PGBD5: variants seen among roughly 807,000 people sequenced by gnomAD.
PGBD5 encodes the protein piggyBac transposable element derived 5.
In PGBD5, 14 loss-of-function variants were observed where a neutral mutation model predicts 47.9. That is an observed-to-expected ratio of 0.29 (90% CI 0.19 to 0.46). The LOEUF (loss-of-function observed/expected upper bound fraction) is 0.46. Ranked by LOEUF, PGBD5 falls within the 20% of genes least tolerant of loss-of-function variation. The pLI, the probability that PGBD5 is intolerant of heterozygous loss-of-function variation, is 1.00. For synonymous variants in PGBD5, 316 were observed against 306.3 expected, an observed-to-expected ratio of 1.03 and a Z score of -0.33; for missense variants, 635 against 716.0, an observed-to-expected ratio of 0.89 and a Z score of 1.29.
intron 5 of PGBD5, among the ~76,000 whole-genome samples, chr1:230,329,639 G>A (rs781068424): frequency 2.6e-5 from 4 of 152,214 alleles, no homozygotes; most frequent in Non-Finnish European, 4.4e-5. Context: ...AGCCTCTTGA[G>A]TAGCTCAGAT....
intron 1 of PGBD5, among the ~76,000 whole-genome samples, chr1:230,381,531 C>T (rs1656492060): frequency 6.6e-6 from 1 of 152,210 alleles, no homozygotes; most frequent in Non-Finnish European, 1.5e-5. Flanking sequence ...CTCTGCCAGC[C>T]TAGGCTTACC....
At chr1:230,355,788 A>G (rs1387702771) in intron 2 of PGBD5, among the ~76,000 whole-genome samples, 1 of 152,232 alleles carries the variant, frequency 6.6e-6, no homozygotes, top group African/African-American at 2.4e-5. Flanking sequence ...GCGGCGTTCC[A>G]AGGGCCAGAA....
At chr1:230,406,893 T>C (rs1393138800) in intron 1 of PGBD5, among the ~76,000 whole-genome samples, 1 of 152,254 alleles carries the variant, frequency 6.6e-6, no homozygotes, top group Non-Finnish European at 1.5e-5. Context: ...TGGAGTGCAA[T>C]GGCGCAATCT....
intron 1 of PGBD5, among the ~76,000 whole-genome samples, chr1:230,389,277 A>G (rs1477637485): frequency 3.3e-5 from 5 of 150,558 alleles, no homozygotes; most frequent in African/African-American, 9.8e-5. Flanking sequence ...GGTTCAAGCG[A>G]TTCTCCTGCC....
chr1:230,378,489 C>G (rs572655942), intron 1 of PGBD5, among the ~76,000 whole-genome samples: 12 of 152,280 alleles, frequency 7.9e-5, no homozygotes, highest in African/African-American at 2.4e-4. Flanking sequence ...CCTGAGCATG[C>G]CTTTAGGGTC....
intron 3 of PGBD5, among the ~76,000 whole-genome samples, chr1:230,340,762 G>A (rs1003216364): frequency 6.6e-6 from 1 of 152,020 alleles, no homozygotes; most frequent in South Asian, 2.1e-4. Context: ...TTGCTGTCTT[G>A]GAATTAACAC....
At position 230,331,600 on chromosome 1, in the gene PGBD5, C is replaced by A. The variant is rs535679659; in HGVS notation, c.1273+1244G>T. On this transcript the variant is annotated intron_variant, in intron 5 of 6. Coordinates refer to ENST00000391860, the MANE Select transcript of PGBD5 (RefSeq NM_001258311.2). Reference sequence around the variant, plus strand: ...CCAAGCCTTTCTTTTCCTTCTTCATCTCCTTTCTTCTTCCTCTACTTCCTC... The same window carrying A: ...CCAAGCCTTTCTTTTCCTTCTTCATATCCTTTCTTCTTCCTCTACTTCCTC... 2.6e-5 allele frequency among the ~76,000 whole-genome samples: 4 copies of A among 152,064 alleles called. No individual in the cohort carries two copies. The South Asian group carries it at 8.3e-4, about 32-fold the overall frequency.
chr1:230,396,039 G>GTCTTCCCTTTGCTTCCCTCTTTCCTCCA (rs1243834465), intron 1 of PGBD5, among the ~76,000 whole-genome samples: 70 of 136,044 alleles, frequency 5.1e-4, no homozygotes, highest in Admixed American at 1.1e-3. Flanking sequence ...CCTTGCTTCC[G>GTCTTCCCTTTGCTTCCCTCTTTCCTCCA]TCTTCCCTTT....
intron 3 of PGBD5, among the ~76,000 whole-genome samples, chr1:230,343,148 C>G (rs1667431936): frequency 6.6e-6 from 1 of 152,096 alleles, no homozygotes; most frequent in Admixed American, 6.5e-5. Context: ...AGGAAGAGCT[C>G]ATGTGCTGAG....
chr1:230,323,528 T>C lies in PGBD5; in HGVS notation c.1472A>G (p.Lys491Arg). The change falls in exon 7 of 7, where the codon AAA becomes AGA. Residue 491 changes from lysine to arginine, a missense_variant. Physicochemically the swap from Lys to Arg is conservative, Grantham distance 26. Transcript: ENST00000391860. The surrounding 1 kb of genome is among the most constrained non-coding windows in gnomAD (Gnocchi z 4.1). ...CTTCACGTGGTAGGCGTCTGACATT[T>C]TGTACAGGATGTAGGCATTGTTGAT... The part of the protein sequence containing the change: ...IAINNAYILY[K>R]MSDAYHVKRY... The C allele has an allele frequency of 6.2e-7, 1 of 1,614,144 alleles. No homozygotes were observed. The highest frequency in any genetic ancestry group is 8.5e-7 in the Non-Finnish European group (1 of 1,180,030).
chr1:230,360,731 T>C (rs1413441179), intron 1 of PGBD5, among the ~76,000 whole-genome samples: 1 of 152,158 alleles, frequency 6.6e-6, no homozygotes, highest in African/African-American at 2.4e-5. Context: ...CTTTATAGAT[T>C]ATCCACCCTC....
chr1:230,391,429 G>A (rs904183863), intron 1 of PGBD5, among the ~76,000 whole-genome samples: 2 of 152,150 alleles, frequency 1.3e-5, no homozygotes, highest in South Asian at 2.1e-4. Context: ...GAGGTTTTAC[G>A]GATAGAGAAT....
rs556750969 is a variant in PGBD5, at chr1:230,377,647, G to A, written c.332-20326C>T. On this transcript the variant is annotated intron_variant, in intron 1 of 6. Coordinates refer to ENST00000391860, the MANE Select transcript of PGBD5 (RefSeq NM_001258311.2). The stretch of plus-strand genomic sequence containing the variant: ...ATCTGACCTACCGAACAGGTGCCCT[G>A]GTCAAGGTACATAATCCCACACAGC... 174 of 1,477,084 alleles carry A rather than the reference G, an allele frequency of 1.2e-4. 1 individual carries two copies. In the South Asian group the frequency reaches 1.7e-3, roughly 15 times the overall value. 91.5% of individuals were successfully genotyped at this position (1,477,084 alleles called of 1,614,324 possible).
intron 1 of PGBD5, among the ~76,000 whole-genome samples, chr1:230,389,355 T>C (rs71654322): frequency 0.017 from 2,650 of 151,940 alleles, 40 homozygotes; most frequent in Non-Finnish European, 0.027. Context: ...GTATTTTTGG[T>C]AGAGACGGGG....
chr1:230,334,369 C>T (rs949440421), intron 4 of PGBD5, among the ~76,000 whole-genome samples: 1 of 151,910 alleles, frequency 6.6e-6, no homozygotes, highest in African/African-American at 2.4e-5. Flanking sequence ...CCAAAATCAC[C>T]CATCTGGGGC....
At chr1:230,362,294 T>A in intron 1 of PGBD5, 1 of 1,367,632 alleles carries the variant, frequency 7.3e-7, no homozygotes, top group Non-Finnish European at 9.8e-7. Flanking sequence ...GCACTGAGTT[T>A]CCCCACGGGT....
At chr1:230,400,532 G>A (rs755872361) in intron 1 of PGBD5, among the ~76,000 whole-genome samples, 1 of 152,138 alleles carries the variant, frequency 6.6e-6, no homozygotes, top group Non-Finnish European at 1.5e-5. Context: ...AGACATAATG[G>A]GTGCTCAGTA....
At chr1:230,417,200 C>T (rs923250842) in intron 1 of PGBD5, among the ~76,000 whole-genome samples, 2 of 152,130 alleles carry the variant, frequency 1.3e-5, no homozygotes, top group African/African-American at 4.8e-5. Flanking sequence ...AGTATTCTCC[C>T]ACCCCCAAGA....
chr1:230,340,120 TA>T (rs1210973569), intron 3 of PGBD5, among the ~76,000 whole-genome samples: 7 of 152,324 alleles, frequency 4.6e-5, no homozygotes, highest in Middle Eastern at 3.4e-3. Flanking sequence ...ATTTGTCAAT[TA>T]AAAAATAAAT....
Sources: gnomAD v4.1 joint callset for allele counts (sites outside exome capture counted in the v4.1 genomes callset) on GRCh38, gnomAD v4.1.1 for gene constraint, Gnocchi (gnomAD v3.1) non-coding constraint, MANE v1.5 for transcripts, NCBI Gene and HGNC (gene_info 2026-07-23, HGNC 2026-07-21) for gene names.